NBEA: variants seen among roughly 807,000 people sequenced by gnomAD.
NBEA encodes lysosomal-trafficking regulator 2.
NBEA carries 44 observed loss-of-function variants against 343.4 expected under a neutral mutation model. The ratio of observed to expected loss-of-function variants is 0.13; its 90% CI spans 0.10 to 0.16. The LOEUF (loss-of-function observed/expected upper bound fraction) is 0.16, where lower values mean the gene tolerates loss of function less well. Ranked by LOEUF, NBEA falls within the 10% of genes least tolerant of loss-of-function variation. NBEA has a pLI of 1.00. For synonymous variants in NBEA, 1,175 were observed against 1,238.7 expected, an observed-to-expected ratio of 0.95 and a Z score of 1.08; for missense variants, 2,555 against 3,631.3, an observed-to-expected ratio of 0.70 and a Z score of 7.62.
At chr13:35,076,197 T>C (rs1363834942) in intron 10 of NBEA, among the ~76,000 whole-genome samples, 1 of 151,962 alleles carries the variant, frequency 6.6e-6, no homozygotes, top group African/African-American at 2.4e-5. Flanking sequence ...TCGGAAAGAA[T>C]ATACCACTGA....
At chr13:35,419,392 T>G (rs950639436) in intron 38 of NBEA, among the ~76,000 whole-genome samples, 1 of 152,074 alleles carries the variant, frequency 6.6e-6, no homozygotes, top group Non-Finnish European at 1.5e-5. Context: ...CTAATCCCAT[T>G]CACAAGCGCT....
At chr13:35,106,741 G>A (rs996946619) in intron 11 of NBEA, among the ~76,000 whole-genome samples, 2 of 151,208 alleles carry the variant, frequency 1.3e-5, no homozygotes, top group Non-Finnish European at 3.0e-5. Context: ...AGCATTAATT[G>A]GTATGCGAAA....
Position 35,277,622 on chromosome 13 carries a change from CAAAAAAAA to C in NBEA, c.5777-12748_5777-12741del, listed in dbSNP as rs10603160. Among the ~76,000 whole-genome samples the C allele has an allele frequency of 3.8e-4, 19 of 49,910 alleles. No individual in the cohort carries two copies. In the East Asian group the frequency reaches 3.9e-3, roughly 10 times the overall value. The allele number at this position is 49,910 out of a possible 152,430, so 32.7% of individuals were successfully genotyped here. A position where few individuals can be genotyped will look rare whatever the true frequency, so the allele number is the denominator to read the frequency against. On this transcript the variant is annotated intron_variant, in intron 34 of 58. Transcript: ENST00000379939. ...GGCAACAAGAAAGAAACTCCGTCTC[CAAAAAAAA>C]AAAAAAAAAAAAAAAAAAGTGGGGG...
At chr13:35,403,570 G>T (rs889966457) in intron 38 of NBEA, among the ~76,000 whole-genome samples, 7 of 151,992 alleles carry the variant, frequency 4.6e-5, no homozygotes, top group Non-Finnish European at 7.4e-5. Context: ...AGCTGAAACT[G>T]GATCCCTTCC....
At chr13:35,088,812 G>C (rs1473208432) in intron 10 of NBEA, among the ~76,000 whole-genome samples, 2 of 148,584 alleles carry the variant, frequency 1.3e-5, no homozygotes, top group Non-Finnish European at 3.0e-5. Context: ...ATGGGGAAAG[G>C]ATTCCCTATT....
chr13:35,299,512 A>G (rs2036390430), intron 35 of NBEA, among the ~76,000 whole-genome samples: 1 of 152,174 alleles, frequency 6.6e-6, no homozygotes, highest in South Asian at 2.1e-4. Context: ...TTTAGTTTCA[A>G]AGGGTCCTTA....
intron 10 of NBEA, among the ~76,000 whole-genome samples, chr13:35,085,859 T>G (rs1419907438): frequency 2.6e-5 from 4 of 152,048 alleles, no homozygotes; most frequent in African/African-American, 9.7e-5. Flanking sequence ...AAAATCTCCT[T>G]AAGCTGATAA....
At chr13:35,587,002 TAGTC>T (rs3075545) in intron 46 of NBEA, among the ~76,000 whole-genome samples, 67,155 of 151,648 alleles carry the variant, frequency 0.44, 16,815 homozygotes, top group Admixed American at 0.6. Flanking sequence ...AACTCTCAAA[TAGTC>T]AGACAAGAAT....
At chr13:35,319,196 T>C (rs1323520017) in intron 36 of NBEA, among the ~76,000 whole-genome samples, 2 of 152,220 alleles carry the variant, frequency 1.3e-5, no homozygotes, top group African/African-American at 4.8e-5. Context: ...TGTTAGGGCA[T>C]TGATTTTAGA....
intron 18 of NBEA, among the ~76,000 whole-genome samples, chr13:35,152,862 C>T (rs1030374319): frequency 3.9e-5 from 6 of 151,978 alleles, no homozygotes; most frequent in Non-Finnish European, 8.8e-5. Flanking sequence ...AACCTCTGTA[C>T]AATTTTGTTT....
At chr13:35,077,921 T>C (rs192973008) in intron 10 of NBEA, among the ~76,000 whole-genome samples, 21 of 152,318 alleles carry the variant, frequency 1.4e-4, no homozygotes, top group Non-Finnish European at 1.2e-4. Flanking sequence ...TAAAAGGTGC[T>C]ACAAATAGGG....
At chr13:35,128,892 C>T (rs568288459) in intron 17 of NBEA, among the ~76,000 whole-genome samples, 20 of 152,042 alleles carry the variant, frequency 1.3e-4, no homozygotes, top group African/African-American at 4.8e-4. Context: ...ACCCTTCACC[C>T]TACTTAATGG....
intron 33 of NBEA, among the ~76,000 whole-genome samples, chr13:35,217,142 CT>C (rs1393812668): frequency 5.3e-5 from 8 of 151,870 alleles, no homozygotes; most frequent in Non-Finnish European, 7.4e-5. Flanking sequence ...TGCAGAACAT[CT>C]TTTCTTGTGT....
chr13:35,483,866 G>GACAC (rs149403978), intron 41 of NBEA, among the ~76,000 whole-genome samples: 4 of 151,542 alleles, frequency 2.6e-5, no homozygotes, highest in Non-Finnish European at 5.9e-5. Context: ...GCTGTGTACA[G>GACAC]ACACACACAC....
intron 40 of NBEA, among the ~76,000 whole-genome samples, chr13:35,469,309 C>T (rs2152956976): frequency 6.6e-6 from 1 of 151,682 alleles, no homozygotes; most frequent in East Asian, 1.9e-4. Flanking sequence ...TGAGGTTTAC[C>T]ATCTCAATTG....
At chr13:34,963,447 G>A (rs556361486) in intron 1 of NBEA, among the ~76,000 whole-genome samples, 58 of 151,882 alleles carry the variant, frequency 3.8e-4, no homozygotes, top group Non-Finnish European at 7.5e-4. Flanking sequence ...AGGCTGTACT[G>A]TGTTCCCCCC....
rs922352757 is a variant in NBEA, at chr13:35,153,899, G to A, written c.2446-1875G>A. Among the ~76,000 whole-genome samples, 42 of 152,174 alleles carry A rather than the reference G, an allele frequency of 2.8e-4. 1 individual carries two copies. The highest frequency in any genetic ancestry group is 5.9e-5 in the Non-Finnish European group (4 of 68,012). On this transcript the variant is annotated intron_variant, in intron 18 of 58. Coordinates refer to ENST00000379939, the MANE Select transcript of NBEA (RefSeq NM_001385012.1). Reference sequence around the variant, plus strand: ...GTACACACCAGGGTCTTCGGGGCAAGTTGTTGTGAAAACTACTTATACGTA... The same window carrying A: ...GTACACACCAGGGTCTTCGGGGCAAATTGTTGTGAAAACTACTTATACGTA...
At chr13:35,486,944 C>A (rs1458072437) in intron 41 of NBEA, among the ~76,000 whole-genome samples, 1 of 151,772 alleles carries the variant, frequency 6.6e-6, no homozygotes. Context: ...TGGGATATAC[C>A]TTTATAAATG....
chr13:35,559,833 A>G lies in NBEA; in HGVS notation c.6922+4731A>G, dbSNP rs554951275. On this transcript the variant is annotated intron_variant, in intron 44 of 58. Transcript: ENST00000379939. Reference sequence around the variant, plus strand: ...CGGAAGGCTGAGGCAGGAGAAGCTGAAGCAAGAGAATGGCCTGAACCCGGG... The same window carrying G: ...CGGAAGGCTGAGGCAGGAGAAGCTGGAGCAAGAGAATGGCCTGAACCCGGG... Among the ~76,000 whole-genome samples, 128 of 151,750 alleles carry G rather than the reference A, an allele frequency of 8.4e-4. No individual in the cohort carries two copies. In the South Asian group the frequency reaches 0.011, roughly 13 times the overall value.
Sources: allele counts gnomAD v4.1 joint callset (sites outside exome capture counted in the v4.1 genomes callset), GRCh38; gene constraint gnomAD v4.1.1; transcripts MANE v1.5; gene names NCBI Gene and HGNC (gene_info 2026-07-23, HGNC 2026-07-21).